CTNNA3: variants seen among roughly 807,000 people sequenced by gnomAD.
The protein encoded by CTNNA3 is catenin alpha 3.
A neutral mutation model predicts 95.7 loss-of-function variants in CTNNA3; 76 were observed. The ratio of observed to expected loss-of-function variants is 0.79; its 90% CI spans 0.66 to 0.96. The LOEUF (loss-of-function observed/expected upper bound fraction) is 0.96. Ranked by LOEUF, CTNNA3 falls within the 40% of genes least tolerant of loss-of-function variation. The pLI is 0.00. For missense variants in CTNNA3, 1,191 were observed against 1,089.8 expected (o/e 1.09, Z -1.31); for synonymous variants, 431 against 374.4 (o/e 1.15, Z -1.74).
intron 1 of CTNNA3, among the ~76,000 whole-genome samples, chr10:67,689,132 AAAGATGTTATGC>A (rs1425567058): frequency 2.0e-5 from 3 of 152,180 alleles, no homozygotes; most frequent in Admixed American, 1.3e-4. Context: ...ACTGTCCTAT[AAAGATGTTATGC>A]CCCAAAAATG....
chr10:66,227,496 A>G (rs923382121), intron 13 of CTNNA3, among the ~76,000 whole-genome samples: 2 of 151,874 alleles, frequency 1.3e-5, no homozygotes, highest in Admixed American at 1.3e-4. Flanking sequence ...ATGTTAAACT[A>G]TCCTTGCATT....
intron 17 of CTNNA3, among the ~76,000 whole-genome samples, chr10:65,940,663 C>T (rs2077415071): frequency 6.6e-6 from 1 of 152,096 alleles, no homozygotes; most frequent in African/African-American, 2.4e-5. Context: ...AGGCCTTTAT[C>T]CCGGCAGTGA....
At chr10:66,002,987 T>C (rs2078800203) in intron 15 of CTNNA3, among the ~76,000 whole-genome samples, 1 of 152,198 alleles carries the variant, frequency 6.6e-6, no homozygotes, top group African/African-American at 2.4e-5. Flanking sequence ...CTGTGTTCCT[T>C]GTGAAAGGAA....
chr10:67,069,652 T>C, intron 7 of CTNNA3, among the ~76,000 whole-genome samples: 1 of 145,994 alleles, frequency 6.8e-6, no homozygotes, highest in East Asian at 2.0e-4. Context: ...GTTTTTGAAA[T>C]GTCTATAAGT....
chr10:66,484,592 A>C (rs1182918146), intron 11 of CTNNA3, among the ~76,000 whole-genome samples: 1 of 152,068 alleles, frequency 6.6e-6, no homozygotes, highest in Non-Finnish European at 1.5e-5. Flanking sequence ...GTTCAAGAAT[A>C]ACCCTTACTG....
At chr10:66,269,883 T>C (rs866968564) in intron 13 of CTNNA3, among the ~76,000 whole-genome samples, 2 of 152,146 alleles carry the variant, frequency 1.3e-5, no homozygotes, top group African/African-American at 4.8e-5. Flanking sequence ...ACCACACGGA[T>C]CCGACTTTGC....
intron 5 of CTNNA3, among the ~76,000 whole-genome samples, chr10:67,231,536 A>G (rs1302881110): frequency 1.3e-5 from 2 of 152,356 alleles, no homozygotes; most frequent in Non-Finnish European, 2.9e-5. Flanking sequence ...CATGACCATC[A>G]TCAAAGACCA....
intron 13 of CTNNA3, among the ~76,000 whole-genome samples, chr10:66,249,501 G>A (rs1589849160): frequency 6.6e-6 from 1 of 152,210 alleles, no homozygotes; most frequent in East Asian, 1.9e-4. Context: ...ACATACAAAT[G>A]TCAATGGCAA....
chr10:66,429,007 C>A (rs557194898), intron 11 of CTNNA3, among the ~76,000 whole-genome samples: 112 of 151,748 alleles, frequency 7.4e-4, no homozygotes, highest in African/African-American at 2.6e-3. Flanking sequence ...AGACCGCTAG[C>A]AAGACTAATA....
At chr10:66,357,645 TC>T (rs1315203179) in intron 12 of CTNNA3, among the ~76,000 whole-genome samples, 1 of 152,166 alleles carries the variant, frequency 6.6e-6, no homozygotes, top group Non-Finnish European at 1.5e-5. Flanking sequence ...GTATAATGTT[TC>T]CAAGTATTAT....
chr10:66,774,813 A>C (rs1241527789), intron 8 of CTNNA3, among the ~76,000 whole-genome samples: 1 of 152,220 alleles, frequency 6.6e-6, no homozygotes, highest in Non-Finnish European at 1.5e-5. Context: ...ATTTCTGGAA[A>C]AATGTTTAAC....
intron 2 of CTNNA3, among the ~76,000 whole-genome samples, chr10:67,613,134 A>G (rs1388666854): frequency 2.0e-5 from 3 of 152,244 alleles, no homozygotes; most frequent in East Asian, 3.9e-4. Context: ...ACCACAAACT[A>G]CTTGTTAGGC....
At chr10:67,615,360 T>G (rs2133396901) in intron 2 of CTNNA3, among the ~76,000 whole-genome samples, 2 of 152,336 alleles carry the variant, frequency 1.3e-5, no homozygotes, top group Admixed American at 1.3e-4. Flanking sequence ...CATAAGCAGT[T>G]GTAGCTAAAT....
intron 17 of CTNNA3, among the ~76,000 whole-genome samples, chr10:65,922,051 G>A (rs913411656): frequency 2.6e-5 from 4 of 152,116 alleles, no homozygotes; most frequent in African/African-American, 9.7e-5. Flanking sequence ...AAGGTCTGGT[G>A]ACTTGCTCAA....
At chr10:67,491,918 AT>A (rs1848660053) in intron 5 of CTNNA3, among the ~76,000 whole-genome samples, 1 of 152,148 alleles carries the variant, frequency 6.6e-6, no homozygotes, top group Non-Finnish European at 1.5e-5. Context: ...ATAAAAATGT[AT>A]TTACAATATA....
At chr10:66,476,548 G>T (rs1839333054) in intron 11 of CTNNA3, among the ~76,000 whole-genome samples, 1 of 151,866 alleles carries the variant, frequency 6.6e-6, no homozygotes, top group Admixed American at 6.6e-5. Flanking sequence ...ATTAAAACTT[G>T]TTTCCATTAG....
rs753973882 is a variant in CTNNA3 at position 66,553,517 on chromosome 10, C to CTTTTTTT, written c.1375-32751_1375-32745dup. On this transcript the variant is annotated intron_variant, in intron 10 of 17. Transcript: ENST00000433211. The stretch of plus-strand genomic sequence containing the variant: ...AGATCTAATGATGAACAATACTTTT[C>CTTTTTTT]TTTTTTTTTTTTTTTTTTTTTTTTT... Among the ~76,000 whole-genome samples, 83 of 52,228 alleles carry CTTTTTTT rather than the reference C, an allele frequency of 1.6e-3. 19 individuals are homozygous for CTTTTTTT. The highest frequency in any genetic ancestry group is 3.7e-3 in the East Asian group (5 of 1,334). The allele number at this position is 52,228 out of a possible 152,430, so 34.3% of individuals were successfully genotyped here. A position where few individuals can be genotyped will look rare whatever the true frequency, so the allele number is the denominator to read the frequency against.
At chr10:67,646,446 G>C (rs74500818) in intron 2 of CTNNA3, among the ~76,000 whole-genome samples, 24 of 151,540 alleles carry the variant, frequency 1.6e-4, no homozygotes, top group Admixed American at 1.5e-3. Context: ...TAACTATTAA[G>C]GTATCATCAG....
intron 1 of CTNNA3, among the ~76,000 whole-genome samples, chr10:67,679,677 A>C (rs4313467): frequency 0.048 from 7,380 of 152,252 alleles, 602 homozygotes; most frequent in African/African-American, 0.17. Flanking sequence ...TTTTAAAAAA[A>C]TCATTGCTAA....
Sources: gnomAD v4.1 joint callset for allele counts (sites outside exome capture counted in the v4.1 genomes callset) on GRCh38, gnomAD v4.1.1 for gene constraint, MANE v1.5 for transcripts, NCBI Gene and HGNC (gene_info 2026-07-23, HGNC 2026-07-21) for gene names.